The following UVRAG variants were observed in gnomAD, a reference collection of about 807,000 sequenced individuals.
UVRAG encodes UV radiation resistance associated, also known as UV radiation resistance-associated gene protein.
In UVRAG, 19 loss-of-function variants were observed where a neutral mutation model predicts 78.0. The observed-to-expected ratio is 0.24, with a 90% CI of 0.17 to 0.36. The LOEUF (loss-of-function observed/expected upper bound fraction) is 0.36. Among genes scored for constraint, UVRAG ranks in the 10% least tolerant of loss-of-function variants. The pLI is 1.00. For synonymous variants in UVRAG, 323 were observed against 324.6 expected (o/e 1.00, Z 0.05); for missense variants, 740 against 853.8 (o/e 0.87, Z 1.66).
At chr11:76,069,803 A>T (rs1401900826) in intron 13 of UVRAG, among the ~76,000 whole-genome samples, 1 of 152,140 alleles carries the variant, frequency 6.6e-6, no homozygotes, top group African/African-American at 2.4e-5. Context: ...AGATCCCCTT[A>T]CTTCTATATA....
intron 6 of UVRAG, among the ~76,000 whole-genome samples, chr11:75,955,752 A>T (rs1291847078): frequency 6.6e-6 from 1 of 152,136 alleles, no homozygotes; most frequent in Admixed American, 6.5e-5. Context: ...AGTCGGACCC[A>T]GTTGCACGCT....
At chr11:76,096,035 TG>T (rs1482501646) in intron 13 of UVRAG, among the ~76,000 whole-genome samples, 1 of 152,150 alleles carries the variant, frequency 6.6e-6, no homozygotes, top group East Asian at 1.9e-4. Context: ...GAGTCAAACC[TG>T]GAAGCAGAGG....
At chr11:75,861,874 G>C in intron 3 of UVRAG, 94 bp downstream of exon 3, 1 of 1,055,710 alleles carries the variant, frequency 9.5e-7, no homozygotes, top group African/African-American at 1.6e-5. Flanking sequence ...TTCAGCTCTG[G>C]TTTTATGATA....
At chr11:76,074,410 C>A (rs1425750416) in intron 13 of UVRAG, among the ~76,000 whole-genome samples, 1 of 152,228 alleles carries the variant, frequency 6.6e-6, no homozygotes, top group Non-Finnish European at 1.5e-5. Flanking sequence ...TAGCAGCTAT[C>A]AGTGGATTCT....
intron 7 of UVRAG, 127 bp from the exon 8 acceptor site, chr11:75,983,260 G>A (rs1949429001): frequency 6.3e-6 from 5 of 796,396 alleles, no homozygotes; most frequent in African/African-American, 5.3e-5. Flanking sequence ...TTACTCAAGA[G>A]TTCCATAAGT....
At position 75,828,780 on chromosome 11, in the gene UVRAG, C is replaced by CAT. The variant is rs71036067; in HGVS notation, c.117+13281_117+13282dup. Among the ~76,000 whole-genome samples, 314 of 92,790 alleles carry CAT rather than the reference C, an allele frequency of 3.4e-3. 6 individuals are homozygous for CAT. Among genetic ancestry groups the CAT allele is most frequent in the South Asian group, 0.011 (36 of 3,308 alleles). The allele number at this position is 92,790 out of a possible 152,430, so 60.9% of individuals were successfully genotyped here. A position where few individuals can be genotyped will look rare whatever the true frequency, so the allele number is the denominator to read the frequency against. The stretch of plus-strand genomic sequence containing the variant: ...ATATATATATATATATATATACACA[C>CAT]ATATATATATATATATATATATATA... On this transcript the variant is annotated intron_variant, in intron 1 of 14. Coordinates refer to ENST00000356136, the MANE Select transcript of UVRAG (RefSeq NM_003369.4).
In UVRAG at chr11:75,888,859, T is replaced by G; in HGVS notation, c.463T>G (p.Phe155Val). Reference sequence around the variant, plus strand: ...TGCCCGAAACCAAAATGAAATAATTTTTGGGCTGAATGATGGATACTATGG... The same window carrying G: ...TGCCCGAAACCAAAATGAAATAATTGTTGGGCTGAATGATGGATACTATGG... ...IHARNQNEII[F>V]GLNDGYYGAP... Residue 155 changes from phenylalanine to valine, a missense_variant, in exon 5 of 15, where the codon TTT becomes GTT. Coordinates refer to ENST00000356136, the MANE Select transcript of UVRAG (RefSeq NM_003369.4). The G allele has an allele frequency of 6.2e-7, 1 of 1,613,748 alleles. No individual in the cohort carries two copies. Among genetic ancestry groups the G allele is most frequent in the Non-Finnish European group, 8.5e-7 (1 of 1,179,858 alleles).
intron 13 of UVRAG, among the ~76,000 whole-genome samples, chr11:76,075,603 CTG>C (rs1425029027): frequency 1.5e-4 from 23 of 150,238 alleles, no homozygotes; most frequent in Middle Eastern, 3.4e-3. Context: ...TAGAACAAGA[CTG>C]TGTCTCAAAA....
At chr11:76,014,485 C>CT (rs1283840600) in intron 11 of UVRAG, among the ~76,000 whole-genome samples, 1 of 152,216 alleles carries the variant, frequency 6.6e-6, no homozygotes, top group African/African-American at 2.4e-5. Flanking sequence ...CCTCTCTCTT[C>CT]AAAAGGTGGT....
At chr11:75,951,445 C>CG (rs1948702012) in intron 6 of UVRAG, among the ~76,000 whole-genome samples, 1 of 151,702 alleles carries the variant, frequency 6.6e-6, no homozygotes, top group Non-Finnish European at 1.5e-5. Flanking sequence ...TACAATGGTG[C>CG]GATCTCAGCT....
chr11:76,053,281 G>A (rs927063769), intron 12 of UVRAG, among the ~76,000 whole-genome samples: 2 of 147,194 alleles, frequency 1.4e-5, no homozygotes, highest in Middle Eastern at 3.2e-3. Context: ...ACTCCAGCCT[G>A]GGCAACAGAG....
chr11:76,068,919 A>G (rs1208261518), intron 13 of UVRAG, among the ~76,000 whole-genome samples: 2 of 152,214 alleles, frequency 1.3e-5, no homozygotes, highest in African/African-American at 2.4e-5. Flanking sequence ...AACAAATCAT[A>G]CTATTAAAAT....
At chr11:76,006,455 T>C (rs1206990340) in intron 9 of UVRAG, among the ~76,000 whole-genome samples, 1 of 151,700 alleles carries the variant, frequency 6.6e-6, no homozygotes, top group African/African-American at 2.4e-5. Flanking sequence ...AGCCTATGAG[T>C]TTGAGACCAG....
intron 14 of UVRAG, among the ~76,000 whole-genome samples, chr11:76,122,459 A>T (rs1273601922): frequency 6.6e-6 from 1 of 152,242 alleles, no homozygotes; most frequent in African/African-American, 2.4e-5. Flanking sequence ...TGAGGGTAAT[A>T]GTGCGTACTT....
chr11:75,932,531 G>A (rs754604425), intron 6 of UVRAG, among the ~76,000 whole-genome samples: 8 of 151,986 alleles, frequency 5.3e-5, no homozygotes, highest in Admixed American at 1.3e-4. Context: ...TGATCTGCCC[G>A]CCTCGGCCTC....
At chr11:76,058,228 G>A (rs565675739) in intron 12 of UVRAG, among the ~76,000 whole-genome samples, 19 of 152,170 alleles carry the variant, frequency 1.2e-4, no homozygotes, top group East Asian at 3.9e-4. Flanking sequence ...ATTGAAAAAC[G>A]TCTTTTAAAA....
intron 7 of UVRAG, among the ~76,000 whole-genome samples, chr11:75,964,416 T>G (rs1419861978): frequency 2.0e-5 from 3 of 152,240 alleles, no homozygotes; most frequent in African/African-American, 7.2e-5. Flanking sequence ...TTCAATTTCT[T>G]TAATAATTTA....
At chr11:76,024,174 G>A (rs557754390) in intron 12 of UVRAG, among the ~76,000 whole-genome samples, 2 of 152,258 alleles carry the variant, frequency 1.3e-5, no homozygotes, top group South Asian at 2.1e-4. Flanking sequence ...ATCACTTTGC[G>A]AGCTTGCAGG....
intron 1 of UVRAG, among the ~76,000 whole-genome samples, chr11:75,823,475 G>A (rs1945444046): frequency 6.6e-6 from 1 of 152,204 alleles, no homozygotes; most frequent in African/African-American, 2.4e-5. Context: ...GACCACAGGT[G>A]CACACCACCA....
Sources: gnomAD v4.1 joint callset for allele counts (sites outside exome capture counted in the v4.1 genomes callset) on GRCh38, gnomAD v4.1.1 for gene constraint, MANE v1.5 for transcripts, NCBI Gene and HGNC (gene_info 2026-07-23, HGNC 2026-07-21) for gene names.